ZC3H12B: variants seen among roughly 807,000 people sequenced by gnomAD.
ZC3H12B encodes probable ribonuclease ZC3H12B.
Under a neutral mutation model 43.9 loss-of-function variants are expected in ZC3H12B, and 7 were observed. The observed-to-expected ratio is 0.16, with a 90% confidence interval of 0.09 to 0.30. ZC3H12B has a LOEUF of 0.30. Ranked by LOEUF, ZC3H12B falls within the 10% of genes least tolerant of loss-of-function variation. The pLI, the probability that ZC3H12B is intolerant of heterozygous loss-of-function variation, is 1.00. For missense variants in ZC3H12B, 475 were observed against 670.2 expected (o/e 0.71, Z 3.22); for synonymous variants, 222 against 241.7 (o/e 0.92, Z 0.76).
chrX:65,343,983 C>A, the ZC3H12B span, among the ~76,000 whole-genome samples: 2 of 112,015 alleles, frequency 1.8e-5, no homozygotes, highest in African/African-American at 6.5e-5. Context: ...TTCAGTGAAA[C>A]CTCAGGATAG....
At chrX:65,041,347 G>A in the ZC3H12B span, among the ~76,000 whole-genome samples, 1 of 111,770 alleles carries the variant, frequency 8.9e-6, no homozygotes, top group African/African-American at 3.3e-5. Context: ...AGCAGCCAGA[G>A]TCCTACCAGA....
At chrX:65,199,512 C>T in the ZC3H12B span, among the ~76,000 whole-genome samples, 24 of 110,253 alleles carry the variant, frequency 2.2e-4, no homozygotes, top group Non-Finnish European at 3.8e-4. Context: ...TAGACGTGTG[C>T]CATGCTGGTT....
the ZC3H12B span, among the ~76,000 whole-genome samples, chrX:65,171,289 G>T: frequency 1.1e-3 from 124 of 111,264 alleles, no homozygotes; most frequent in East Asian, 0.011. Flanking sequence ...AGGTCTGTTG[G>T]AGTTTGCTGC....
chrX:65,492,296 T>C (rs2068217283), intron 1 of ZC3H12B, among the ~76,000 whole-genome samples: 1 of 112,127 alleles, frequency 8.9e-6, no homozygotes. Context: ...TGAAGGACAC[T>C]CTGGTTCTTT....
chrX:65,413,745 A>AT (rs1220525296), intron 3 of ZC3H12B, among the ~76,000 whole-genome samples: 41 of 111,479 alleles, frequency 3.7e-4, no homozygotes, highest in Admixed American at 1.7e-3. Flanking sequence ...CTTTTTAAAG[A>AT]TTTTTTTTGT....
the ZC3H12B span, chrX:65,187,135 C>G: frequency 8.9e-6 from 1 of 111,973 alleles, no homozygotes; most frequent in Non-Finnish European, 1.9e-5. Context: ...AGCATCCCAC[C>G]TATCTTTCTT....
exon 5 of ZC3H12B, chrX:65,507,728 C>T (rs1476568555): frequency 8.9e-6 from 1 of 112,081 alleles, no homozygotes; most frequent in Non-Finnish European, 1.9e-5. Flanking sequence ...CTATAATGCA[C>T]GTGCATTGCT....
the ZC3H12B span, among the ~76,000 whole-genome samples, chrX:65,216,217 T>C: frequency 4.5e-5 from 5 of 111,205 alleles, no homozygotes; most frequent in South Asian, 1.9e-3. Flanking sequence ...AAGGAAAGGG[T>C]TATTGGAAAG....
chrX:65,477,145 C>A (rs2068003317), intron 3 of ZC3H12B, among the ~76,000 whole-genome samples: 2 of 109,485 alleles, frequency 1.8e-5, no homozygotes, highest in Non-Finnish European at 3.8e-5. Flanking sequence ...GCCTGGAATT[C>A]TTTGTTCATC....
chrX:65,475,007 G>A (rs1171538956), intron 3 of ZC3H12B, among the ~76,000 whole-genome samples: 1 of 111,986 alleles, frequency 8.9e-6, no homozygotes, highest in African/African-American at 3.2e-5. Flanking sequence ...CAGTTATTTT[G>A]AGGATTGCAT....
intron 3 of ZC3H12B, among the ~76,000 whole-genome samples, chrX:65,478,380 T>C (rs907805993): frequency 5.4e-5 from 6 of 111,988 alleles, no homozygotes; most frequent in Non-Finnish European, 9.4e-5. Context: ...TCCCTGTATA[T>C]AGGCCATACT....
At chrX:65,322,508 T>C in the ZC3H12B span, among the ~76,000 whole-genome samples, 1 of 112,612 alleles carries the variant, frequency 8.9e-6, no homozygotes, top group African/African-American at 3.2e-5. Context: ...TGCTCATTTT[T>C]CATTTTGTGT....
At chrX:65,156,182 C>G in the ZC3H12B span, among the ~76,000 whole-genome samples, 2 of 110,449 alleles carry the variant, frequency 1.8e-5, no homozygotes, top group Admixed American at 9.8e-5. Flanking sequence ...TGTGCTTTCT[C>G]TCTCCTGCTC....
intron 3 of ZC3H12B, among the ~76,000 whole-genome samples, chrX:65,482,605 T>C (rs2068077331): frequency 8.9e-6 from 1 of 112,440 alleles, no homozygotes; most frequent in Non-Finnish European, 1.9e-5. Context: ...TAACCTACAG[T>C]TTTCTTGTCC....
the ZC3H12B span, among the ~76,000 whole-genome samples, chrX:65,254,088 C>G: frequency 3.6e-5 from 4 of 112,053 alleles, no homozygotes; most frequent in African/African-American, 1.3e-4. Flanking sequence ...CCATTGCTGC[C>G]AGTGTGGGCA....
the ZC3H12B span, among the ~76,000 whole-genome samples, chrX:65,168,853 G>A: frequency 9.0e-6 from 1 of 111,572 alleles, no homozygotes; most frequent in Admixed American, 9.5e-5. Context: ...TTCTCTGATG[G>A]TAGTTTGTAT....
intron 1 of ZC3H12B, among the ~76,000 whole-genome samples, chrX:65,495,327 A>G (rs1007644117): frequency 4.5e-5 from 5 of 112,053 alleles, no homozygotes; most frequent in Non-Finnish European, 9.4e-5. Context: ...CTCAAGAGTG[A>G]TAAGACAGTG....
rs983342944 is a variant in ZC3H12B at position 65,408,098 on chromosome X, C to T, written n.407+9394C>T. On this transcript the variant is annotated intron_variant and non_coding_transcript_variant, in intron 3 of 5. Coordinates refer to the ZC3H12B transcript ENST00000617377. The stretch of plus-strand genomic sequence containing the variant: ...CGCCAGCGCGATGTTCCCGCAGAGC[C>T]GGCACCCGACGCCGCACCAGGCTGC... The T allele has an allele frequency of 1.3e-5, 15 of 1,193,677 alleles. No individual in the cohort carries two copies. In the African/African-American group the frequency reaches 1.7e-4, roughly 14 times the overall value.
At chrX:65,317,066 G>A in the ZC3H12B span, among the ~76,000 whole-genome samples, 1 of 111,085 alleles carries the variant, frequency 9.0e-6, no homozygotes, top group African/African-American at 3.3e-5. Flanking sequence ...TTATATAATG[G>A]TAAGGGGGTA....
Sources: allele counts gnomAD v4.1 joint callset (sites outside exome capture counted in the v4.1 genomes callset), GRCh38; gene constraint gnomAD v4.1.1; transcripts MANE v1.5; gene names NCBI Gene and HGNC (gene_info 2026-07-23, HGNC 2026-07-21).